Variants in SIN3A observed in about 807,000 individuals in gnomAD.
The protein encoded by SIN3A is SIN3 transcription regulator family member A, also known as paired amphipathic helix protein Sin3a.
Under a neutral mutation model 146.1 loss-of-function variants are expected in SIN3A, and 14 were observed. The observed-to-expected ratio is 0.10, with a 90% CI of 0.06 to 0.15. SIN3A has a LOEUF of 0.15. SIN3A is among the 10% of genes least tolerant of loss of function. SIN3A has a pLI of 1.00. For missense variants in SIN3A, 1,028 were observed against 1,576.0 expected (o/e 0.65, Z 5.89); for synonymous variants, 572 against 572.0 (o/e 1.00, Z 0.00).
At chr15:75,408,558 A>G (rs181504842) in intron 8 of SIN3A, among the ~76,000 whole-genome samples, 14 of 152,222 alleles carry the variant, frequency 9.2e-5, no homozygotes, top group Non-Finnish European at 1.5e-5. Context: ...CAATACATAC[A>G]ACTAGCCCTC....
Position 75,403,862 on chromosome 15 carries a change from A to G in SIN3A, c.1408-1892T>C, listed in dbSNP as rs148603706. On this transcript the variant is annotated intron_variant, in intron 9 of 20. Coordinates refer to ENST00000394947, the MANE Select transcript of SIN3A (RefSeq NM_001145358.2). ...CGTCCGGCCTGTTGCCTCTCTTAAC[A>G]TGTTTACAGCAAGAATCTTTGCCAA... Among the ~76,000 whole-genome samples, 736 of 152,266 alleles carry G rather than the reference A, an allele frequency of 4.8e-3. 11 individuals are homozygous for G. Among genetic ancestry groups the G allele is most frequent in the African/African-American group, 0.017 (694 of 41,558 alleles).
chr15:75,401,553 A>G (rs1009532702), intron 10 of SIN3A, among the ~76,000 whole-genome samples: 5 of 152,098 alleles, frequency 3.3e-5, no homozygotes, highest in African/African-American at 1.2e-4. Flanking sequence ...AATAATAATA[A>G]TAATTTTTAA....
intron 15 of SIN3A, 49 bp from the exon 16 acceptor site, chr15:75,389,870 T>G: frequency 6.3e-7 from 1 of 1,590,108 alleles, no homozygotes; most frequent in Non-Finnish European, 8.6e-7. Context: ...AAGAAAAGAC[T>G]AGGGATAGAG....
chr15:75,402,315 C>T (rs541045577), intron 9 of SIN3A, among the ~76,000 whole-genome samples: 2 of 152,194 alleles, frequency 1.3e-5, no homozygotes, highest in African/African-American at 2.4e-5. Context: ...ACTTCGAGCC[C>T]AGACTGGCCA....
At chr15:75,380,787 GCACT>G in intron 18 of SIN3A, 64 bp from the exon 19 acceptor site, 1 of 1,087,486 alleles carries the variant, frequency 9.2e-7, no homozygotes, top group East Asian at 2.4e-5. Flanking sequence ...AATGCATTGG[GCACT>G]CTAGTAAATT....
upstream of SIN3A, among the ~76,000 whole-genome samples, chr15:75,455,235 C>G (rs2074472417): frequency 6.6e-6 from 1 of 152,156 alleles, no homozygotes; most frequent in Non-Finnish European, 1.5e-5. Flanking sequence ...CGGGCCCCGG[C>G]TCGCTCGCTA....
intron 2 of SIN3A, among the ~76,000 whole-genome samples, chr15:75,429,024 A>G (rs1043303284): frequency 6.6e-6 from 1 of 152,260 alleles, no homozygotes; most frequent in African/African-American, 2.4e-5. Context: ...TTAAGAATAT[A>G]GTATATGACA....
At chr15:75,446,758 T>G (rs560013912) in intron 1 of SIN3A, among the ~76,000 whole-genome samples, 2 of 152,048 alleles carry the variant, frequency 1.3e-5, no homozygotes, top group South Asian at 2.1e-4. Context: ...CCCAAAATGG[T>G]GAAATTACAG....
At chr15:75,387,627 C>T (rs1372548726) in intron 16 of SIN3A, among the ~76,000 whole-genome samples, 1 of 147,010 alleles carries the variant, frequency 6.8e-6, no homozygotes, top group Non-Finnish European at 1.5e-5. Flanking sequence ...AAATCATAAC[C>T]AGATACAGTA....
At chr15:75,395,246 GCA>G (rs1321377239) in intron 13 of SIN3A, among the ~76,000 whole-genome samples, 1 of 152,194 alleles carries the variant, frequency 6.6e-6, no homozygotes, top group Non-Finnish European at 1.5e-5. Context: ...AAGAGAACTT[GCA>G]CAGTTATGTT....
At chr15:75,418,088 AAGGCACG>A (rs2073773832) in intron 3 of SIN3A, among the ~76,000 whole-genome samples, 2 of 146,054 alleles carry the variant, frequency 1.4e-5, no homozygotes, top group Admixed American at 1.4e-4. Context: ...CTGGAGTGCA[AAGGCACG>A]ATCTCAGCTC....
chr15:75,424,752 C>G (rs538406356), intron 2 of SIN3A, among the ~76,000 whole-genome samples: 2 of 152,054 alleles, frequency 1.3e-5, no homozygotes, highest in African/African-American at 4.8e-5. Context: ...GGGTTATAGA[C>G]GTAAGCCACT....
At chr15:75,437,087 TC>T (rs1016445690) in intron 1 of SIN3A, among the ~76,000 whole-genome samples, 11 of 151,756 alleles carry the variant, frequency 7.2e-5, no homozygotes, top group South Asian at 2.1e-4. Flanking sequence ...AGAGATTTCC[TC>T]CCCGACAACA....
At chr15:75,449,801 G>T (rs1190926270) in intron 1 of SIN3A, among the ~76,000 whole-genome samples, 2 of 152,098 alleles carry the variant, frequency 1.3e-5, no homozygotes, top group African/African-American at 4.8e-5. Flanking sequence ...GTTTTTTGAG[G>T]CGGAGTTTTG....
At chr15:75,383,440 T>C (rs1410275864) in intron 17 of SIN3A, among the ~76,000 whole-genome samples, 3 of 152,154 alleles carry the variant, frequency 2.0e-5, no homozygotes, top group Non-Finnish European at 4.4e-5. Context: ...TTTCATTTTT[T>C]TGGGACAGAG....
At chr15:75,424,059 T>C (rs555388252) in intron 2 of SIN3A, among the ~76,000 whole-genome samples, 28 of 152,284 alleles carry the variant, frequency 1.8e-4, no homozygotes, top group Non-Finnish European at 3.8e-4. Context: ...TGAGTTTTTT[T>C]CTTAAAATTT....
intron 1 of SIN3A, among the ~76,000 whole-genome samples, chr15:75,432,938 A>G (rs2074038247): frequency 1.3e-5 from 2 of 152,126 alleles, no homozygotes; most frequent in Admixed American, 1.3e-4. Flanking sequence ...GCTACTTGGG[A>G]CGCTGAGACG....
chr15:75,419,392 G>A (rs934221844), intron 3 of SIN3A: 1 of 152,146 alleles, frequency 6.6e-6, no homozygotes, highest in African/African-American at 2.4e-5. Flanking sequence ...ATAAGACATG[G>A]TATGGTATAA....
At position 75,381,605 on chromosome 15, in the gene SIN3A, G is replaced by C; in HGVS notation, c.3288+8C>G. ...GGCACCTGGGGTCTGTGATGTACTTGCTCATACCTCTGCTTCCACAGGGTC... is the reference window on the plus strand; with the variant it reads ...GGCACCTGGGGTCTGTGATGTACTTCCTCATACCTCTGCTTCCACAGGGTC... On this transcript the variant is annotated splice_region_variant and intron_variant, in intron 18 of 20. Transcript: ENST00000394947. 1 of 1,608,448 alleles carries C rather than the reference G, an allele frequency of 6.2e-7. No individual in the cohort carries two copies. The highest frequency in any genetic ancestry group is 8.5e-7 in the Non-Finnish European group (1 of 1,175,434).
Sources: allele counts gnomAD v4.1 joint callset (sites outside exome capture counted in the v4.1 genomes callset), GRCh38; gene constraint gnomAD v4.1.1; transcripts MANE v1.5; gene names NCBI Gene and HGNC (gene_info 2026-07-23, HGNC 2026-07-21).